SLC44A5: variants seen among roughly 807,000 people sequenced by gnomAD.
SLC44A5 encodes solute carrier family 44 member 5.
A neutral mutation model predicts 101.8 loss-of-function variants in SLC44A5; 57 were observed. The observed-to-expected ratio is 0.56, with a 90% CI of 0.45 to 0.70. The LOEUF is 0.70. SLC44A5 is among the 30% of genes least tolerant of loss of function. The probability of loss-of-function intolerance (pLI) is 0.00; values close to 1 mark genes in which losing one functional copy is unlikely to be tolerated. For missense variants in SLC44A5, 737 were observed against 853.1 expected (o/e 0.86, Z 1.70); for synonymous variants, 281 against 290.9 (o/e 0.97, Z 0.35).
intron 2 of SLC44A5, among the ~76,000 whole-genome samples, chr1:75,439,317 T>C (rs983276444): frequency 6.6e-6 from 1 of 152,144 alleles, no homozygotes; most frequent in Non-Finnish European, 1.5e-5. Context: ...TTTCTGTTTA[T>C]ATAAGTTGAC....
chr1:75,304,579 A>C (rs2100884331), intron 4 of SLC44A5, among the ~76,000 whole-genome samples: 1 of 152,278 alleles, frequency 6.6e-6, no homozygotes, highest in African/African-American at 2.4e-5. Flanking sequence ...AGCATCTGTC[A>C]CAATCCTAAA....
chr1:75,438,687 A>G (rs774110244), intron 2 of SLC44A5, among the ~76,000 whole-genome samples: 2 of 152,134 alleles, frequency 1.3e-5, no homozygotes, highest in Admixed American at 6.6e-5. Flanking sequence ...CCAGGTTGAT[A>G]GGATCCTAGG....
chr1:75,424,067 A>G (rs1664165638), intron 2 of SLC44A5, among the ~76,000 whole-genome samples: 1 of 152,158 alleles, frequency 6.6e-6, no homozygotes, highest in Admixed American at 6.5e-5. Context: ...CTCACAGAAC[A>G]CAGGATTTTA....
chr1:75,495,866 G>C (rs1231061803), intron 2 of SLC44A5, among the ~76,000 whole-genome samples: 1 of 152,072 alleles, frequency 6.6e-6, no homozygotes, highest in South Asian at 2.1e-4. Context: ...AAGATGTTTT[G>C]ATACAGGTAT....
the SLC44A5 span, among the ~76,000 whole-genome samples, chr1:75,698,541 C>T: frequency 6.6e-6 from 1 of 152,204 alleles, no homozygotes; most frequent in African/African-American, 2.4e-5. Flanking sequence ...GATAAAACCA[C>T]AAAGATGCGG....
At chr1:75,555,885 G>T (rs1360191591) in intron 1 of SLC44A5, among the ~76,000 whole-genome samples, 1 of 152,042 alleles carries the variant, frequency 6.6e-6, no homozygotes, top group Non-Finnish European at 1.5e-5. Flanking sequence ...ATTAAAAGAA[G>T]CAAAATATTA....
intron 2 of SLC44A5, among the ~76,000 whole-genome samples, chr1:75,452,364 A>C (rs1665954275): frequency 6.6e-6 from 1 of 152,178 alleles, no homozygotes; most frequent in South Asian, 2.1e-4. Context: ...GGAATTTGCT[A>C]TCACTAGATC....
At chr1:75,676,724 A>AGGTAT in the SLC44A5 span, among the ~76,000 whole-genome samples, 1 of 152,194 alleles carries the variant, frequency 6.6e-6, no homozygotes, top group Admixed American at 6.5e-5. Context: ...ATAGTAACAA[A>AGGTAT]ACTTCCAAAA....
At chr1:75,615,432 TACATACACACACACAC>T (rs1355148407), upstream of SLC44A5, among the ~76,000 whole-genome samples, 2 of 77,060 alleles carry the variant, frequency 2.6e-5, no homozygotes, top group East Asian at 1.2e-3. Flanking sequence ...CACACACACA[TACATACACACACACAC>T]ACACACACAC....
upstream of SLC44A5, among the ~76,000 whole-genome samples, chr1:75,613,902 T>G (rs1370173827): frequency 6.6e-6 from 1 of 152,244 alleles, no homozygotes; most frequent in African/African-American, 2.4e-5. Flanking sequence ...ATGAGCTCAT[T>G]TCATCAATCT....
intron 1 of SLC44A5, among the ~76,000 whole-genome samples, 197 bp downstream of exon 1, chr1:75,610,843 C>T (rs1202615400): frequency 6.6e-6 from 1 of 151,806 alleles, no homozygotes; most frequent in Non-Finnish European, 1.5e-5. Context: ...TTAAATAATC[C>T]CCCAGGATAT....
intron 13 of SLC44A5, among the ~76,000 whole-genome samples, chr1:75,226,601 C>T (rs961935743): frequency 7.9e-5 from 12 of 152,124 alleles, no homozygotes; most frequent in Non-Finnish European, 1.2e-4. Context: ...GGGAATGGGA[C>T]GCATGCCTGT....
At chr1:75,624,733 C>T in the SLC44A5 span, among the ~76,000 whole-genome samples, 42,258 of 151,972 alleles carry the variant, frequency 0.28, 7,061 homozygotes, top group East Asian at 0.81. Context: ...TGCTGCGGGT[C>T]CTCTGAGACT....
chr1:75,701,949 A>T, the SLC44A5 span, among the ~76,000 whole-genome samples: 1 of 152,164 alleles, frequency 6.6e-6, no homozygotes. Flanking sequence ...CCAACCTACA[A>T]GGGACATGAA....
chr1:75,251,619 T>C (rs565348143), intron 6 of SLC44A5, among the ~76,000 whole-genome samples: 3 of 152,346 alleles, frequency 2.0e-5, no homozygotes, highest in Admixed American at 6.5e-5. Context: ...ATGTCAATTT[T>C]AGGAAGCAGG....
At chr1:75,640,177 CAT>C in the SLC44A5 span, among the ~76,000 whole-genome samples, 4 of 152,040 alleles carry the variant, frequency 2.6e-5, no homozygotes, top group African/African-American at 7.2e-5. Context: ...AAGCCTAACT[CAT>C]GTGTTTGTAG....
In SLC44A5 at chr1:75,218,536, C is replaced by A. The variant is rs769202811; in HGVS notation, c.1483G>T (p.Asp495Tyr). The change falls in exon 17 of 24, where the codon GAC (aspartate) becomes TAC (tyrosine). Residue 495 changes from aspartate (D) to tyrosine (Y), a missense_variant. Asp to Tyr is a radical substitution (Grantham distance 160). Around this residue, in one of 3 missense-constraint regions of SLC44A5, gnomAD observed 665 missense variants for 764.4 expected, o/e 0.87. Transcript: ENST00000370859. ...GTAAAAAGTGGATATCGTGGGATGT[C>A]ATCAGGTTTTTTCATGGCCCAGTAA... ...TYYWAMKKPD[D>Y]IPRYPLFTAF... The A allele has an allele frequency of 6.2e-6, 10 of 1,613,652 alleles. No individual in the cohort carries two copies. Among genetic ancestry groups the A allele is most frequent in the Admixed American group, 1.7e-5 (1 of 59,982 alleles).
At chr1:75,212,846 T>C (rs1646884857) in intron 22 of SLC44A5, among the ~76,000 whole-genome samples, 1 of 137,966 alleles carries the variant, frequency 7.2e-6, no homozygotes, top group African/African-American at 2.7e-5. Flanking sequence ...TAATATATTA[T>C]GATAGATACT....
At chr1:75,683,832 C>T in the SLC44A5 span, among the ~76,000 whole-genome samples, 3 of 151,774 alleles carry the variant, frequency 2.0e-5, no homozygotes, top group African/African-American at 7.2e-5. Flanking sequence ...AACACATTTC[C>T]TCTATAAAGA....
Sources: allele counts gnomAD v4.1 joint callset (sites outside exome capture counted in the v4.1 genomes callset), GRCh38; gene constraint gnomAD v4.1.1; regional missense constraint gnomAD v4.1.1; transcripts MANE v1.5; gene names NCBI Gene and HGNC (gene_info 2026-07-23, HGNC 2026-07-21).